Variants in IMMP1L observed in about 807,000 individuals in gnomAD.
IMMP1L encodes the protein mitochondrial inner membrane protease subunit 1.
Under a neutral mutation model 21.8 loss-of-function variants are expected in IMMP1L, and 24 were observed. That is an observed-to-expected ratio of 1.10 (90% confidence interval 0.80 to 1.55). The LOEUF (loss-of-function observed/expected upper bound fraction) is 1.55, where lower values mean the gene tolerates loss of function less well. IMMP1L is among the 40% of genes most tolerant of loss of function. The pLI is 0.00. For synonymous variants in IMMP1L, 46 were observed against 62.8 expected, an observed-to-expected ratio of 0.73 and a Z score of 1.26; for missense variants, 195 against 200.7, an observed-to-expected ratio of 0.97 and a Z score of 0.17.
chr11:31,500,992 G>A (rs1955601268), intron 1 of IMMP1L, among the ~76,000 whole-genome samples: 1 of 152,136 alleles, frequency 6.6e-6, no homozygotes, highest in South Asian at 2.1e-4. Flanking sequence ...ACATGCAGCT[G>A]TTTAAATAAA....
chr11:31,461,401 G>T (rs1470225736), intron 2 of IMMP1L, among the ~76,000 whole-genome samples: 2 of 152,078 alleles, frequency 1.3e-5, no homozygotes, highest in Non-Finnish European at 2.9e-5. Context: ...AACCTAAATA[G>T]AACCCATCTT....
chr11:31,493,978 G>A (rs1955343915), intron 1 of IMMP1L, among the ~76,000 whole-genome samples: 1 of 152,158 alleles, frequency 6.6e-6, no homozygotes, highest in African/African-American at 2.4e-5. Context: ...CTGCTTTCAT[G>A]GGCTGGCTTT....
At chr11:31,483,214 T>TTTAC (rs1454971464) in intron 1 of IMMP1L, among the ~76,000 whole-genome samples, 2 of 151,988 alleles carry the variant, frequency 1.3e-5, no homozygotes, top group African/African-American at 4.8e-5. Context: ...ACAATGTTCT[T>TTTAC]TTACTTTATC....
intron 1 of IMMP1L, chr11:31,477,036 A>G (rs1030777963): frequency 6.6e-6 from 1 of 152,142 alleles, no homozygotes; most frequent in Non-Finnish European, 1.5e-5. Context: ...TTAAAATCAT[A>G]TATTTCACCA....
chr11:31,508,919 G>C (rs1955888333), intron 1 of IMMP1L, among the ~76,000 whole-genome samples: 1 of 152,150 alleles, frequency 6.6e-6, no homozygotes, highest in African/African-American at 2.4e-5. Flanking sequence ...AATAAAGTAG[G>C]TATACTTCTA....
intron 4 of IMMP1L, among the ~76,000 whole-genome samples, chr11:31,440,662 A>G (rs1378677562): frequency 1.3e-5 from 2 of 152,192 alleles, no homozygotes; most frequent in Non-Finnish European, 2.9e-5. Context: ...AAGTATTGGG[A>G]TTACAGTCGT....
At chr11:31,465,792 C>G (rs1954318090) in intron 1 of IMMP1L, among the ~76,000 whole-genome samples, 1 of 151,970 alleles carries the variant, frequency 6.6e-6, no homozygotes, top group Admixed American at 6.6e-5. Context: ...TAAAAATCAA[C>G]TTAAAATAAA....
intron 4 of IMMP1L, among the ~76,000 whole-genome samples, chr11:31,446,330 T>C (rs1953518586): frequency 6.6e-6 from 1 of 152,186 alleles, no homozygotes; most frequent in Non-Finnish European, 1.5e-5. Context: ...CTCCAGGCTC[T>C]CCTAATCCTA....
intron 3 of IMMP1L, among the ~76,000 whole-genome samples, chr11:31,459,926 G>A (rs555954006): frequency 1.3e-5 from 2 of 152,228 alleles, no homozygotes; most frequent in Admixed American, 1.3e-4. Flanking sequence ...GGAGGCTGAG[G>A]TGAGCGGATT....
intron 1 of IMMP1L, among the ~76,000 whole-genome samples, chr11:31,500,598 C>T (rs1418316713): frequency 6.7e-6 from 1 of 148,442 alleles, no homozygotes; most frequent in African/African-American, 2.6e-5. Context: ...CATATGCACA[C>T]ACACACACAC....
intron 1 of IMMP1L, among the ~76,000 whole-genome samples, chr11:31,484,882 T>A (rs1955022046): frequency 6.6e-6 from 1 of 151,942 alleles, no homozygotes; most frequent in African/African-American, 2.4e-5. Context: ...ATGTAAAATT[T>A]GTTGACTTAG....
intron 1 of IMMP1L, among the ~76,000 whole-genome samples, chr11:31,495,305 T>A (rs1026975141): frequency 6.6e-6 from 1 of 152,198 alleles, no homozygotes; most frequent in African/African-American, 2.4e-5. Flanking sequence ...TACATTTTCC[T>A]GTCTTCTTCT....
chr11:31,465,898 G>A (rs1240732573), intron 1 of IMMP1L, among the ~76,000 whole-genome samples: 1 of 151,794 alleles, frequency 6.6e-6, no homozygotes, highest in Non-Finnish European at 1.5e-5. Context: ...GAAATCAAAA[G>A]AACAGGCAAG....
intron 1 of IMMP1L, among the ~76,000 whole-genome samples, chr11:31,500,612 A>ACGC (rs1491094510): frequency 6.9e-6 from 1 of 145,100 alleles, no homozygotes. Flanking sequence ...CACACACACA[A>ACGC]ACACACACAC....
chr11:31,466,439 G>A (rs1025684190), intron 1 of IMMP1L, among the ~76,000 whole-genome samples: 14 of 152,140 alleles, frequency 9.2e-5, no homozygotes, highest in African/African-American at 2.9e-4. Context: ...ATATCAAAGG[G>A]ATACCTGCAT....
At chr11:31,492,618 C>A (rs1955293381) in intron 1 of IMMP1L, among the ~76,000 whole-genome samples, 1 of 152,130 alleles carries the variant, frequency 6.6e-6, no homozygotes, top group Admixed American at 6.5e-5. Flanking sequence ...GACAAATATG[C>A]CATGCTTTCT....
At chr11:31,448,235 G>A (rs959436037) in intron 4 of IMMP1L, among the ~76,000 whole-genome samples, 2 of 152,156 alleles carry the variant, frequency 1.3e-5, no homozygotes, top group East Asian at 1.9e-4. Context: ...CTTGAACCTC[G>A]AAGGCAGAGG....
At chr11:31,458,442 T>C (rs910022837) in intron 3 of IMMP1L, among the ~76,000 whole-genome samples, 1 of 152,228 alleles carries the variant, frequency 6.6e-6, no homozygotes, top group East Asian at 1.9e-4. Context: ...GTTGAAAGAA[T>C]AAGCAATAGT....
intron 4 of IMMP1L, chr11:31,449,061 G>A (rs557921769): frequency 3.0e-6 from 3 of 985,348 alleles, no homozygotes; most frequent in Admixed American, 6.1e-5. Flanking sequence ...CTGAGAAATG[G>A]ATGTGTAGCA....
Sources: gnomAD v4.1 joint callset for allele counts (sites outside exome capture counted in the v4.1 genomes callset) on GRCh38, gnomAD v4.1.1 for gene constraint, MANE v1.5 for transcripts, NCBI Gene and HGNC (gene_info 2026-07-23, HGNC 2026-07-21) for gene names.